DEPDC5: variants seen among roughly 807,000 people sequenced by gnomAD.
The protein encoded by DEPDC5 is DEP domain containing 5, GATOR1 subcomplex subunit, also known as GATOR1 complex protein DEPDC5.
A neutral mutation model predicts 217.3 loss-of-function variants in DEPDC5; 73 were observed. That is an observed-to-expected ratio of 0.34 (90% CI 0.28 to 0.41). DEPDC5 has a LOEUF of 0.41. Among genes scored for constraint, DEPDC5 ranks in the 10% least tolerant of loss-of-function variants. The pLI, the probability that DEPDC5 is intolerant of heterozygous loss-of-function variation, is 1.00. For synonymous variants in DEPDC5, 733 were observed against 756.7 expected (o/e 0.97, Z 0.51); for missense variants, 1,675 against 2,070.1 (o/e 0.81, Z 3.70).
intron 7 of DEPDC5, 113 bp downstream of exon 7, chr22:31,768,976 G>A: frequency 7.1e-7 from 1 of 1,406,970 alleles, no homozygotes; most frequent in African/African-American, 1.4e-5. Context: ...ATGTTAGATT[G>A]TTGGCTGGCC....
At chr22:31,776,104 TTTTG>T (rs1201366790) in intron 7 of DEPDC5, among the ~76,000 whole-genome samples, 2 of 150,100 alleles carry the variant, frequency 1.3e-5, no homozygotes, top group South Asian at 2.1e-4. Flanking sequence ...GTCTCTTTTG[TTTTG>T]TTTGTTTTTT....
At chr22:31,820,241 A>T (rs2089552977) in intron 22 of DEPDC5, among the ~76,000 whole-genome samples, 1 of 151,970 alleles carries the variant, frequency 6.6e-6, no homozygotes, top group Non-Finnish European at 1.5e-5. Context: ...CCTCCCAAGT[A>T]GCTGGGATTA....
At position 31,907,411 on chromosome 22, in the gene DEPDC5, A is replaced by T. The variant is rs913244304; in HGVS notation, c.*914A>T. 1.3e-5 allele frequency: 2 copies of T among 151,838 alleles called. No individual in the cohort carries two copies. Among genetic ancestry groups the T allele is most frequent in the African/African-American group, 4.8e-5 (2 of 41,308 alleles). The allele number at this position is 151,838 out of a possible 1,614,324, so 9.4% of individuals were successfully genotyped here. A position where few individuals can be genotyped will look rare whatever the true frequency, so the allele number is the denominator to read the frequency against. On this transcript the variant is annotated 3_prime_UTR_variant, in exon 43 of 43. Transcript: ENST00000651528. ...TTTTTTTTGTTGTTTTTTTTGACACAGTTTTCACTCTTGTTGCCCAGGCTG... is the reference window on the plus strand; with the variant it reads ...TTTTTTTTGTTGTTTTTTTTGACACTGTTTTCACTCTTGTTGCCCAGGCTG...
intron 29 of DEPDC5, chr22:31,844,794 A>G (rs1026966207): frequency 3.8e-5 from 19 of 495,156 alleles, no homozygotes; most frequent in African/African-American, 2.5e-4. Context: ...AGTTCAAGCA[A>G]TCCTCCTGCC....
intron 22 of DEPDC5, 52 bp from the exon 23 acceptor site, chr22:31,821,450 C>T (rs2148820736): frequency 1.9e-6 from 3 of 1,604,544 alleles, no homozygotes; most frequent in East Asian, 2.2e-5. Flanking sequence ...GTTAAGTGCA[C>T]AGCACTAGCT....
chr22:31,784,326 T>A (rs2084760490), intron 9 of DEPDC5: 1 of 213,058 alleles, frequency 4.7e-6, no homozygotes, highest in East Asian at 1.3e-4. Flanking sequence ...TTTATGATCT[T>A]GTTTTAAGAT....
chr22:31,770,730 T>C (rs1418624149), intron 7 of DEPDC5, among the ~76,000 whole-genome samples: 2 of 151,626 alleles, frequency 1.3e-5, no homozygotes, highest in African/African-American at 2.4e-5. Flanking sequence ...ATCCTAAGCT[T>C]GTTCAGTGGG....
intron 37 of DEPDC5, among the ~76,000 whole-genome samples, chr22:31,877,701 G>C (rs1054477151): frequency 1.4e-4 from 2 of 14,540 alleles, no homozygotes; most frequent in Non-Finnish European, 2.7e-4. Flanking sequence ...AGTAAGATGA[G>C]ATCACGCCAC....
rs140933270 is a variant in DEPDC5, at chr22:31,884,760, C to G, written c.4033+5008C>G. ...ATTTGAGACTCATCCCTCCAGCTAC[C>G]TACTTGACATGGTCACTTAGAGGAC... On this transcript the variant is annotated intron_variant, in intron 38 of 42. Transcript: ENST00000651528. Among the ~76,000 whole-genome samples, 379 of 152,260 alleles carry G rather than the reference C, an allele frequency of 2.5e-3. 4 individuals are homozygous for G. Among genetic ancestry groups the G allele is most frequent in the African/African-American group, 8.4e-3 (350 of 41,554 alleles).
rs2093768334 is a variant in DEPDC5 at position 31,906,965 on chromosome 22, C to G, written c.*468C>G. 1.4e-5 allele frequency: 3 copies of G among 211,378 alleles called. No homozygotes were observed. The highest frequency in any genetic ancestry group is 2.9e-5 in the Non-Finnish European group (3 of 104,006). 13.1% of individuals were successfully genotyped at this position (211,378 alleles called of 1,614,324 possible). ...ATAATGTACCATAGACTCTCACCAA[C>G]TGTATATACCTGTACATATCAGAAG... is the stretch of plus-strand genomic sequence containing the variant. On this transcript the variant is annotated 3_prime_UTR_variant, in exon 43 of 43. Transcript: ENST00000651528. The surrounding 1 kb of genome is among the most constrained non-coding windows in gnomAD (Gnocchi z 5.1).
At chr22:31,776,317 A>C (rs2083851606) in intron 7 of DEPDC5, among the ~76,000 whole-genome samples, 1 of 151,878 alleles carries the variant, frequency 6.6e-6, no homozygotes, top group Non-Finnish European at 1.5e-5. Context: ...TCACTATGCT[A>C]CCTAGGCTGG....
intron 36 of DEPDC5, chr22:31,875,535 G>C (rs1471160136): frequency 6.6e-6 from 1 of 151,300 alleles, no homozygotes; most frequent in South Asian, 2.1e-4. Flanking sequence ...GGGAGTGGGA[G>C]AGTCTAAGGA....
At chr22:31,783,830 C>G in intron 8 of DEPDC5, 77 bp from the exon 9 acceptor site, 1 of 1,259,944 alleles carries the variant, frequency 7.9e-7, no homozygotes, top group Non-Finnish European at 1.1e-6. Flanking sequence ...TGAAGCAGAT[C>G]TTCAGAACTT....
intron 23 of DEPDC5, among the ~76,000 whole-genome samples, chr22:31,822,123 C>A (rs2089750854): frequency 6.6e-6 from 1 of 152,216 alleles, no homozygotes; most frequent in Non-Finnish European, 1.5e-5. Flanking sequence ...TCTTTTTGAA[C>A]CAATGCTCTG....
rs1266779979 is a variant in DEPDC5 at position 31,810,568 on chromosome 22, G to T, written c.1372G>T (p.Asp458Tyr). ...ESENALPIQV[D>Y]YDAYDAQVFR... ...TGAGAACGCCCTTCCCATCCAAGTAGATTATGACGCCTATGACGCTCAAGT... is the reference window on the plus strand; with the variant it reads ...TGAGAACGCCCTTCCCATCCAAGTATATTATGACGCCTATGACGCTCAAGT... Residue 458 changes from aspartate (D) to tyrosine (Y), a missense_variant, in exon 20 of 43, where the codon GAT becomes TAT. Transcript: ENST00000651528. The T allele has an allele frequency of 1.2e-6, 2 of 1,614,168 alleles. No individual in the cohort carries two copies. Among genetic ancestry groups the T allele is most frequent in the East Asian group, 2.2e-5 (1 of 44,880 alleles).
In DEPDC5 at chr22:31,792,149, C is replaced by T. The variant is rs1381090712; in HGVS notation, c.694+47C>T. On this transcript the variant is annotated intron_variant, in intron 11 of 42. Coordinates refer to ENST00000651528, the MANE Select transcript of DEPDC5 (RefSeq NM_001242896.3). ...ACAGTTATGTTTTTGTTAAGCTTCC[C>T]CCAACCCCACCCCAGCCATTTCCTT... is the stretch of plus-strand genomic sequence containing the variant. 4 of 1,331,594 alleles carry T rather than the reference C, an allele frequency of 3.0e-6. No individual in the cohort carries two copies. The African/African-American group carries it at 5.8e-5, about 19-fold the overall frequency. 82.5% of individuals were successfully genotyped at this position (1,331,594 alleles called of 1,614,324 possible). A position where few individuals can be genotyped will look rare whatever the true frequency, so the allele number is the denominator to read the frequency against.
At chr22:31,879,951 A>G (rs995115096) in intron 38 of DEPDC5, 199 bp downstream of exon 38, 2 of 591,182 alleles carry the variant, frequency 3.4e-6, no homozygotes, top group African/African-American at 3.7e-5. Context: ...GTCCCAACCA[A>G]CAGACGGTAT....
At position 31,897,732 on chromosome 22, in the gene DEPDC5, G is replaced by C; in HGVS notation, c.4375+79G>C. ...ACAAGGACACCACTCTGGGTATCCA[G>C]TCAACACGGACTAGGGAAAAGGGAC... On this transcript the variant is annotated intron_variant, in intron 40 of 42. Transcript: ENST00000651528. 2.0e-6 allele frequency: 3 copies of C among 1,520,056 alleles called. 1 individual carries two copies. The highest frequency in any genetic ancestry group is 2.4e-5 in the South Asian group (2 of 81,968). The allele number at this position is 1,520,056 out of a possible 1,614,324, so 94.2% of individuals were successfully genotyped here.
intron 10 of DEPDC5, among the ~76,000 whole-genome samples, chr22:31,787,258 G>GT (rs991743948): frequency 9.3e-5 from 14 of 151,102 alleles, no homozygotes; most frequent in Admixed American, 2.6e-4. Flanking sequence ...AATTTTTTGT[G>GT]TTTTTTTATA....
Sources: allele counts gnomAD v4.1 joint callset (sites outside exome capture counted in the v4.1 genomes callset), GRCh38; gene constraint gnomAD v4.1.1; non-coding constraint Gnocchi (gnomAD v3.1); transcripts MANE v1.5; gene names NCBI Gene and HGNC (gene_info 2026-07-23, HGNC 2026-07-21).